Variants in DRD2 observed in about 807,000 individuals in gnomAD.
DRD2 encodes the protein D(2) dopamine receptor.
DRD2 carries 8 observed loss-of-function variants against 38.0 expected under a neutral mutation model. That is an observed-to-expected ratio of 0.21 (90% CI 0.12 to 0.38). The LOEUF is 0.38. Among genes scored for constraint, DRD2 ranks in the 10% least tolerant of loss-of-function variants. The pLI, the probability that DRD2 is intolerant of heterozygous loss-of-function variation, is 1.00. For synonymous variants in DRD2, 230 were observed against 238.6 expected, an observed-to-expected ratio of 0.96 and a Z score of 0.33; for missense variants, 403 against 607.7, an observed-to-expected ratio of 0.66 and a Z score of 3.54.
intron 1 of DRD2, among the ~76,000 whole-genome samples, chr11:113,457,092 C>T (rs1366137209): frequency 6.6e-6 from 1 of 152,108 alleles, no homozygotes; most frequent in Non-Finnish European, 1.5e-5. Context: ...ACCCAAGCAG[C>T]TCCGGAGGCA....
chr11:113,463,617 C>T (rs929384159), intron 1 of DRD2, among the ~76,000 whole-genome samples: 1 of 138,784 alleles, frequency 7.2e-6, no homozygotes, highest in Non-Finnish European at 1.7e-5. Context: ...ACAGTGCCTG[C>T]TGCTGTCTTA....
chr11:113,466,411 T>C (rs575741359), intron 1 of DRD2, among the ~76,000 whole-genome samples: 4 of 128,692 alleles, frequency 3.1e-5, no homozygotes, highest in Non-Finnish European at 5.1e-5. Flanking sequence ...CACCTGTGTA[T>C]GTTTCCTCAA....
At chr11:113,471,924 T>C (rs906630045) in intron 1 of DRD2, among the ~76,000 whole-genome samples, 10 of 152,236 alleles carry the variant, frequency 6.6e-5, no homozygotes, top group African/African-American at 2.2e-4. Context: ...TAGGTAACTG[T>C]AGCCTGCTGA....
At chr11:113,421,339 C>T (rs1001072375) in intron 2 of DRD2, among the ~76,000 whole-genome samples, 1 of 152,198 alleles carries the variant, frequency 6.6e-6, no homozygotes, top group African/African-American at 2.4e-5. Flanking sequence ...CAGGTCAGTG[C>T]CTTAGCCCAT....
intron 1 of DRD2, among the ~76,000 whole-genome samples, chr11:113,434,072 C>T (rs1206508186): frequency 6.6e-6 from 1 of 152,178 alleles, no homozygotes; most frequent in Non-Finnish European, 1.5e-5. Context: ...GACTATCTTT[C>T]CAGCCCCTTC....
intron 5 of DRD2, 97 bp from the exon 6 acceptor site, chr11:113,414,558 A>G: frequency 7.8e-7 from 1 of 1,276,192 alleles, no homozygotes; most frequent in Non-Finnish European, 1.1e-6. Flanking sequence ...CAGACTGGGC[A>G]GAAGGGCTCA....
intron 2 of DRD2, among the ~76,000 whole-genome samples, chr11:113,423,378 C>T (rs1404858311): frequency 6.6e-6 from 1 of 152,102 alleles, no homozygotes; most frequent in Non-Finnish European, 1.5e-5. Context: ...CAGATTCAAG[C>T]AATTCTCCTG....
At chr11:113,456,824 A>C (rs568847438) in intron 1 of DRD2, among the ~76,000 whole-genome samples, 1 of 152,356 alleles carries the variant, frequency 6.6e-6, no homozygotes, top group South Asian at 2.1e-4. Context: ...GATCTATTTT[A>C]CAATAACATA....
chr11:113,430,394 C>A (rs1950975274), intron 1 of DRD2, among the ~76,000 whole-genome samples: 1 of 152,208 alleles, frequency 6.6e-6, no homozygotes. Context: ...AAAATGCCAT[C>A]CAACCCCAGT....
At chr11:113,419,559 C>T (rs1454349057) in intron 2 of DRD2, among the ~76,000 whole-genome samples, 2 of 151,068 alleles carry the variant, frequency 1.3e-5, no homozygotes, top group South Asian at 2.1e-4. Context: ...CACACACTCA[C>T]GGCAGCTGTC....
chr11:113,455,837 G>A (rs1344030081), intron 1 of DRD2, among the ~76,000 whole-genome samples: 1 of 152,134 alleles, frequency 6.6e-6, no homozygotes, highest in Non-Finnish European at 1.5e-5. Flanking sequence ...AACCGTTGGT[G>A]GAAATATAAA....
At chr11:113,459,080 C>T (rs1951292915) in intron 1 of DRD2, among the ~76,000 whole-genome samples, 1 of 152,318 alleles carries the variant, frequency 6.6e-6, no homozygotes, top group African/African-American at 2.4e-5. Context: ...ACCTGTGTGG[C>T]CTTGATTAAC....
intron 2 of DRD2, among the ~76,000 whole-genome samples, chr11:113,418,472 C>T (rs1412617856): frequency 6.6e-6 from 1 of 152,182 alleles, no homozygotes; most frequent in Admixed American, 6.5e-5. Flanking sequence ...GTGTATTTGG[C>T]ACCCATTCAT....
chr11:113,453,206 G>C (rs367992713), intron 1 of DRD2, among the ~76,000 whole-genome samples: 3 of 152,090 alleles, frequency 2.0e-5, no homozygotes, highest in African/African-American at 7.2e-5. Context: ...TCACATCCTG[G>C]CTCCATGCAT....
At chr11:113,452,465 TGTGTGCGCGCGCGCGC>T (rs1354685173) in intron 1 of DRD2, among the ~76,000 whole-genome samples, 21 of 89,590 alleles carry the variant, frequency 2.3e-4, no homozygotes, top group Admixed American at 7.1e-4. Context: ...TGTGTGTGTG[TGTGTGCGCGCGCGCGC>T]GCGCGCACAT....
intron 1 of DRD2, among the ~76,000 whole-genome samples, chr11:113,454,994 C>G (rs1951254999): frequency 6.6e-6 from 1 of 152,236 alleles, no homozygotes; most frequent in South Asian, 2.1e-4. Context: ...AAAATAAATA[C>G]TTAAATGTAA....
At chr11:113,460,331 G>A (rs1951305737) in intron 1 of DRD2, among the ~76,000 whole-genome samples, 1 of 152,238 alleles carries the variant, frequency 6.6e-6, no homozygotes, top group South Asian at 2.1e-4. Context: ...GACTGGGCAG[G>A]ACAGGGAGGG....
In DRD2 at chr11:113,414,454, C is replaced by G. The variant is rs794727782; in HGVS notation, c.731G>C (p.Cys244Ser). ...GAGTTTCATGTCCTCGGGGTGAGTACAGTTGCCCTGTGGAGTGAGCCAGCA... is the reference window on the plus strand; with the variant it reads ...GAGTTTCATGTCCTCGGGGTGAGTAGAGTTGCCCTGTGGAGTGAGCCAGCA... ...AHLRAPLKGN[C>S]THPEDMKLCT... Residue 244 changes from cysteine (C) to serine (S), a missense_variant, in exon 6 of 8, where the codon TGT becomes TCT. By Grantham distance (112) the Cys-to-Ser change is moderately radical. Around this residue, in one of 4 missense-constraint regions of DRD2, gnomAD observed 166 missense variants for 178.6 expected, o/e 0.93. Coordinates refer to ENST00000362072, the MANE Select transcript of DRD2 (RefSeq NM_000795.4). 1 of 1,614,168 alleles carries G rather than the reference C, an allele frequency of 6.2e-7. No individual in the cohort carries two copies. Among genetic ancestry groups the G allele is most frequent in the South Asian group, 1.1e-5 (1 of 91,088 alleles).
At chr11:113,454,615 C>T (rs1445144860) in intron 1 of DRD2, among the ~76,000 whole-genome samples, 1 of 152,202 alleles carries the variant, frequency 6.6e-6, no homozygotes, top group African/African-American at 2.4e-5. Flanking sequence ...TCACTCTCTA[C>T]TCAGTCTCCT....
Sources: allele counts gnomAD v4.1 joint callset (sites outside exome capture counted in the v4.1 genomes callset), GRCh38; gene constraint gnomAD v4.1.1; regional missense constraint gnomAD v4.1.1; transcripts MANE v1.5; gene names NCBI Gene and HGNC (gene_info 2026-07-23, HGNC 2026-07-21).